Variants in TUBGCP5 observed in about 807,000 individuals in gnomAD.
TUBGCP5 encodes gamma-tubulin complex component 5.
A neutral mutation model predicts 134.7 loss-of-function variants in TUBGCP5; 98 were observed. The observed-to-expected ratio is 0.73, with a 90% CI of 0.62 to 0.86. The LOEUF is 0.86. TUBGCP5 is among the 40% of genes least tolerant of loss of function. TUBGCP5 has a pLI of 0.00. For missense variants in TUBGCP5, 1,150 were observed against 1,244.8 expected (o/e 0.92, Z 1.15); for synonymous variants, 456 against 431.4 (o/e 1.06, Z -0.71).
In TUBGCP5 at chr15:23,026,146, G is replaced by A. The variant is rs2065971347; in HGVS notation, c.797C>T (p.Thr266Ile). Reference protein sequence around the residue: ...LYVPDDRVLVTETQVIRETLW... With the variant: ...LYVPDDRVLVIETQVIRETLW... ...GGTTTCCCGAATAACCTGAGTCTCAGTAACCAAAACCCTGTCATCTGGAAC... is the reference window on the plus strand; with the variant it reads ...GGTTTCCCGAATAACCTGAGTCTCAATAACCAAAACCCTGTCATCTGGAAC... Residue 266 changes from threonine (T) to isoleucine (I), a missense_variant, in exon 8 of 23, where the codon ACT becomes ATT. Thr to Ile is a moderately conservative substitution (Grantham distance 89, BLOSUM62 -1). Around this residue, in one of 2 missense-constraint regions of TUBGCP5, gnomAD observed 453 missense variants for 394.7 expected, o/e 1.15. Transcript: ENST00000615383. 1 of 1,610,434 alleles carries A rather than the reference G, an allele frequency of 6.2e-7. No individual in the cohort carries two copies. Among genetic ancestry groups the A allele is most frequent in the East Asian group, 2.2e-5 (1 of 44,660 alleles).
At chr15:22,985,834 CA>C (rs60178499) in intron 23 of TUBGCP5, among the ~76,000 whole-genome samples, 1 of 149,246 alleles carries the variant, frequency 6.7e-6, no homozygotes, top group African/African-American at 2.5e-5. Context: ...GACTCCATCT[CA>C]AAAAAAAGAA....
Position 22,990,553 on chromosome 15 carries a change from G to C in TUBGCP5, c.*61+6292C>G, listed in dbSNP as rs562282469. Among the ~76,000 whole-genome samples the C allele has an allele frequency of 2.0e-5, 3 of 152,286 alleles. No individual in the cohort carries two copies. In the East Asian group the frequency reaches 5.8e-4, roughly 29 times the overall value. On this transcript the variant is annotated intron_variant and NMD_transcript_variant, in intron 23 of 23. Coordinates refer to the TUBGCP5 transcript ENST00000614508. ...CAGCTCTCCCCGAGCAGGAAACACAGCATGCATTTTTGGATTAAAATTCCT... is the reference window on the plus strand; with the variant it reads ...CAGCTCTCCCCGAGCAGGAAACACACCATGCATTTTTGGATTAAAATTCCT...
At chr15:22,990,140 G>A (rs1284898794) in intron 23 of TUBGCP5, among the ~76,000 whole-genome samples, 2 of 152,100 alleles carry the variant, frequency 1.3e-5, no homozygotes, top group Non-Finnish European at 2.9e-5. Context: ...CAGTCCACAT[G>A]GCTTCTAGGG....
chr15:22,996,257 C>T (rs866937359), downstream of TUBGCP5, among the ~76,000 whole-genome samples: 18 of 152,182 alleles, frequency 1.2e-4, 1 homozygote, highest in South Asian at 1.7e-3. Flanking sequence ...TTTGACATGC[C>T]GGTCTTTTTA....
At chr15:22,985,661 A>G (rs568814282) in intron 23 of TUBGCP5, among the ~76,000 whole-genome samples, 1 of 152,254 alleles carries the variant, frequency 6.6e-6, no homozygotes, top group South Asian at 2.1e-4. Context: ...ACAAATCAAA[A>G]GGATTTGTTC....
chr15:22,988,657 A>G (rs2063756508), intron 23 of TUBGCP5, among the ~76,000 whole-genome samples: 1 of 149,782 alleles, frequency 6.7e-6, no homozygotes, highest in East Asian at 2.0e-4. Context: ...AATGGCGTGA[A>G]CCTAGGAGGC....
chr15:23,027,458 A>C (rs1221160655), intron 6 of TUBGCP5, 152 bp from the exon 7 acceptor site: 4 of 671,892 alleles, frequency 6.0e-6, no homozygotes, highest in Non-Finnish European at 1.0e-5. Context: ...ATTATTTTAA[A>C]CCACATATAT....
rs199758237 is a variant in TUBGCP5, at chr15:23,019,346, A to T, written c.1372-12T>A. ...AAAAGGAGGGAGACCTGAGGCAGAG[A>T]GTGTGCACGGTCAGCTCTCAGGGTT... On this transcript the variant is annotated splice_polypyrimidine_tract_variant and intron_variant, in intron 11 of 22. Transcript: ENST00000615383. The T allele has an allele frequency of 6.9e-6, 11 of 1,587,080 alleles. No individual in the cohort carries two copies. The highest frequency in any genetic ancestry group is 1.7e-5 in the Admixed American group (1 of 59,666).
At chr15:23,038,414 T>C (rs1401634732) in intron 1 of TUBGCP5, among the ~76,000 whole-genome samples, 1 of 152,214 alleles carries the variant, frequency 6.6e-6, no homozygotes, top group Non-Finnish European at 1.5e-5. Flanking sequence ...GAAAAATAAC[T>C]TGGATTTCAG....
chr15:23,026,401 T>G (rs952594994), intron 7 of TUBGCP5, among the ~76,000 whole-genome samples, 196 bp from the exon 8 acceptor site: 1 of 152,182 alleles, frequency 6.6e-6, no homozygotes, highest in African/African-American at 2.4e-5. Context: ...ACAATTACAA[T>G]TGTTACGTTT....
At chr15:23,012,743 A>G (rs2065107310) in intron 13 of TUBGCP5, among the ~76,000 whole-genome samples, 1 of 152,220 alleles carries the variant, frequency 6.6e-6, no homozygotes. Flanking sequence ...TCGAGTCTGA[A>G]CTGCTCATAA....
chr15:23,039,415 GA>G lies in TUBGCP5; in HGVS notation c.128del (p.Phe43SerfsTer19). On this transcript the variant is annotated frameshift_variant, in exon 1 of 23. Coordinates refer to ENST00000615383, the MANE Select transcript of TUBGCP5 (RefSeq NM_052903.6). LOFTEE classifies it high-confidence loss of function. Reference sequence around the variant, plus strand: ...CCCCACACCTGAAGTTGGACCAGGCGAAGTTTAGGGCGAGCTGGAAGTTGGG... The same window carrying G: ...CCCCACACCTGAAGTTGGACCAGGCGAGTTTAGGGCGAGCTGGAAGTTGGG... ...ADPNFQLALN[F>X]AWSNFRFHRF... 1 of 1,512,712 alleles carries G rather than the reference GA, an allele frequency of 6.6e-7. No individual in the cohort carries two copies. Among genetic ancestry groups the G allele is most frequent in the East Asian group, 2.7e-5 (1 of 37,430 alleles). 93.7% of individuals were successfully genotyped at this position (1,512,712 alleles called of 1,614,324 possible). A position where few individuals can be genotyped will look rare whatever the true frequency, so the allele number is the denominator to read the frequency against.
intron 11 of TUBGCP5, 22 bp downstream of exon 11, chr15:23,021,937 T>G (rs1219450652): frequency 1.2e-6 from 2 of 1,612,312 alleles, no homozygotes; most frequent in Non-Finnish European, 1.7e-6. Context: ...AGTCACACAC[T>G]TTAGGCAGAA....
At chr15:23,004,353 C>T (rs972856001) in intron 19 of TUBGCP5, 126 bp from the exon 20 acceptor site, 60 of 1,150,346 alleles carry the variant, frequency 5.2e-5, no homozygotes, top group Middle Eastern at 2.1e-4. Context: ...CACATCTAGA[C>T]AGTTTCATAA....
intron 13 of TUBGCP5, among the ~76,000 whole-genome samples, chr15:23,016,640 T>C (rs1035144804): frequency 6.6e-6 from 1 of 152,046 alleles, no homozygotes; most frequent in African/African-American, 2.4e-5. Context: ...AGGTATCATT[T>C]CACCCCAGTC....
rs973227297 is a variant in TUBGCP5 at position 23,031,930 on chromosome 15, G to A, written c.486+20C>T. 22 of 1,580,644 alleles carry A rather than the reference G, an allele frequency of 1.4e-5. No homozygotes were observed. In the Admixed American group the frequency reaches 2.7e-4, roughly 19 times the overall value. On this transcript the variant is annotated intron_variant, in intron 5 of 22. Coordinates refer to ENST00000615383, the MANE Select transcript of TUBGCP5 (RefSeq NM_052903.6). The stretch of plus-strand genomic sequence containing the variant: ...CTGGCGTGTATTTCAATTTTCAATA[G>A]CAAAACTACTACCACTTACTGGTGT...
intron 16 of TUBGCP5, 90 bp downstream of exon 16, chr15:23,008,609 G>C: frequency 5.0e-6 from 7 of 1,411,478 alleles, no homozygotes; most frequent in Non-Finnish European, 7.0e-6. Flanking sequence ...GGAATAGTGA[G>C]GATAAAATAA....
At chr15:23,036,529 GA>G (rs1246250834) in intron 3 of TUBGCP5, among the ~76,000 whole-genome samples, 1 of 151,578 alleles carries the variant, frequency 6.6e-6, no homozygotes, top group African/African-American at 2.4e-5. Flanking sequence ...TGGTCTTGGG[GA>G]ATCCCCCAAA....
intron 20 of TUBGCP5, among the ~76,000 whole-genome samples, chr15:23,003,658 T>C (rs993751456): frequency 7.5e-6 from 1 of 134,004 alleles, no homozygotes; most frequent in South Asian, 2.4e-4. Context: ...TTTTTTTTTT[T>C]TTTAAGAGAC....
Sources: allele counts gnomAD v4.1 joint callset (sites outside exome capture counted in the v4.1 genomes callset), GRCh38; gene constraint gnomAD v4.1.1; regional missense constraint gnomAD v4.1.1; transcripts MANE v1.5; gene names NCBI Gene and HGNC (gene_info 2026-07-23, HGNC 2026-07-21).